RBM33: variants seen among roughly 807,000 people sequenced by gnomAD.
RBM33 encodes the protein RNA binding motif protein 33, also known as RNA-binding protein 33.
In RBM33, 28 loss-of-function variants were observed where a neutral mutation model predicts 132.6. The observed-to-expected ratio is 0.21, with a 90% CI of 0.16 to 0.29. RBM33 has a LOEUF of 0.29. RBM33 is among the 10% of genes least tolerant of loss of function. The probability of loss-of-function intolerance (pLI) is 1.00; values close to 1 mark genes in which losing one functional copy is unlikely to be tolerated. For missense variants in RBM33, 1,291 were observed against 1,518.5 expected, an observed-to-expected ratio of 0.85 and a Z score of 2.49; for synonymous variants, 634 against 593.0, an observed-to-expected ratio of 1.07 and a Z score of -1.01.
chr7:155,658,390 T>A (rs1193369055), intron 1 of RBM33, among the ~76,000 whole-genome samples: 2 of 148,770 alleles, frequency 1.3e-5, no homozygotes, highest in Non-Finnish European at 3.0e-5. Flanking sequence ...TTGGATTTTT[T>A]TTTTTTTTTT....
At position 155,775,142 on chromosome 7, in the gene RBM33, C is replaced by T. The variant is rs772330265; in HGVS notation, c.*101C>T. ...GAACCCCCAGGAGCACAGGTCTCTCCGGGCCGCTGTCCTGCGTAACTGTTC... is the reference window on the plus strand; with the variant it reads ...GAACCCCCAGGAGCACAGGTCTCTCTGGGCCGCTGTCCTGCGTAACTGTTC... On this transcript the variant is annotated 3_prime_UTR_variant, in exon 18 of 18. Coordinates refer to ENST00000401878, the MANE Select transcript of RBM33 (RefSeq NM_053043.3). 100 of 1,036,748 alleles carry T rather than the reference C, an allele frequency of 9.6e-5. No individual in the cohort carries two copies. The highest frequency in any genetic ancestry group is 1.4e-4 in the Non-Finnish European group (91 of 659,028). The allele number at this position is 1,036,748 out of a possible 1,614,324, so 64.2% of individuals were successfully genotyped here.
In RBM33 at chr7:155,737,694, A is replaced by G. The variant is rs764285409; in HGVS notation, c.1393+32A>G. 8.5e-6 allele frequency: 13 copies of G among 1,528,630 alleles called. No individual in the cohort carries two copies. In the East Asian group the frequency reaches 1.1e-4, roughly 13 times the overall value. The allele number at this position is 1,528,630 out of a possible 1,614,324, so 94.7% of individuals were successfully genotyped here. ...AAAGAGTGAGTGGTGTGGAGTAACA[A>G]CAGAAGCTGCATTGGGTGATGTGCC... On this transcript the variant is annotated intron_variant, in intron 10 of 17. Transcript: ENST00000401878.
intron 2 of RBM33, among the ~76,000 whole-genome samples, chr7:155,669,207 GTTC>G (rs1563135284): frequency 6.6e-6 from 1 of 152,184 alleles, no homozygotes; most frequent in Non-Finnish European, 1.5e-5. Context: ...ACTATGGTAA[GTTC>G]TTCTGCCATG....
At chr7:155,648,929 A>G (rs897041334) in intron 1 of RBM33, among the ~76,000 whole-genome samples, 2 of 152,156 alleles carry the variant, frequency 1.3e-5, no homozygotes, top group African/African-American at 2.4e-5. Context: ...TGGTGTATTC[A>G]AGATTCTCTT....
chr7:155,694,457 G>T (rs538272562), intron 5 of RBM33, among the ~76,000 whole-genome samples: 1 of 152,178 alleles, frequency 6.6e-6, no homozygotes, highest in African/African-American at 2.4e-5. Context: ...TTGTGAAATG[G>T]TGATAATGTT....
chr7:155,725,203 GTTTTTTT>G (rs59050644), intron 9 of RBM33, among the ~76,000 whole-genome samples: 27,234 of 105,342 alleles, frequency 0.26, 2,815 homozygotes, highest in East Asian at 0.35. Flanking sequence ...TTTTTTAGTT[GTTTTTTT>G]TTTTTTTTTT....
chr7:155,659,578 A>G (rs1798584610), intron 1 of RBM33, among the ~76,000 whole-genome samples: 1 of 152,164 alleles, frequency 6.6e-6, no homozygotes, highest in African/African-American at 2.4e-5. Flanking sequence ...AAAAATGAAC[A>G]GAGTCTAAAG....
At position 155,706,992 on chromosome 7, in the gene RBM33, A is replaced by G; in HGVS notation, c.872A>G (p.Gln291Arg). The part of the protein sequence containing the change: ...GPLMCRGVGD[Q>R]RRESTERGRM... The stretch of plus-strand genomic sequence containing the variant: ...CTGATGTGTCGTGGTGTGGGGGACC[A>G]GAGGAGAGAGAGCACCGAGAGGGGC... The change falls in exon 7 of 18, where the codon CAG (glutamine) becomes CGG (arginine). Residue 291 changes from glutamine (Q) to arginine (R), a missense_variant. By Grantham distance (43) the Gln-to-Arg change is conservative (BLOSUM62 1). Transcript: ENST00000401878. 1 of 1,590,964 alleles carries G rather than the reference A, an allele frequency of 6.3e-7. No homozygotes were observed. Among genetic ancestry groups the G allele is most frequent in the Middle Eastern group, 1.7e-4 (1 of 6,030 alleles).
rs550555668 is a variant in RBM33, at chr7:155,723,852, T to C, written c.1260+5409T>C. Among the ~76,000 whole-genome samples, 3 of 152,342 alleles carry C rather than the reference T, an allele frequency of 2.0e-5. No individual in the cohort carries two copies. In the South Asian group the frequency reaches 6.2e-4, roughly 32 times the overall value. Reference sequence around the variant, plus strand: ...AACTATAGTTGTCCCTTGTACAACATGTGTATATGCGGGGGCCTGGAAGCA... The same window carrying C: ...AACTATAGTTGTCCCTTGTACAACACGTGTATATGCGGGGGCCTGGAAGCA... On this transcript the variant is annotated intron_variant, in intron 9 of 17. Transcript: ENST00000401878.
At chr7:155,662,572 A>T (rs866631838) in intron 1 of RBM33, among the ~76,000 whole-genome samples, 2 of 151,542 alleles carry the variant, frequency 1.3e-5, no homozygotes, top group Non-Finnish European at 2.9e-5. Flanking sequence ...ACAGTGGTGT[A>T]CCAGTCTCTG....
chr7:155,735,240 CAA>C (rs1219156101), intron 9 of RBM33, among the ~76,000 whole-genome samples: 2 of 152,092 alleles, frequency 1.3e-5, no homozygotes, highest in Non-Finnish European at 2.9e-5. Flanking sequence ...TGACTTCAAA[CAA>C]GAGATGAAAA....
rs1345611526 is a variant in RBM33 at position 155,644,905 on chromosome 7, G to C, written c.29G>C (p.Gly10Ala). 6.7e-7 allele frequency: 1 copy of C among 1,500,796 alleles called. No homozygotes were observed. Among genetic ancestry groups the C allele is most frequent in the Non-Finnish European group, 8.8e-7 (1 of 1,131,198 alleles). The allele number at this position is 1,500,796 out of a possible 1,614,324, so 93.0% of individuals were successfully genotyped here. ...GCGGCCGCCCTGGGAGCGAGCGGAG[G>C]AGCAGGCGCCGGAGGTACGTGAGGC... Reference protein sequence around the residue: MAAALGASGGAGAGDDDFDQ... With the variant: MAAALGASGAAGAGDDDFDQ... The change falls in exon 1 of 18, where the codon GGA (glycine) becomes GCA (alanine). Residue 10 changes from glycine (G) to alanine (A), a missense_variant. This residue lies in a region of RBM33 where 194 missense variants were observed against 249.8 expected (regional missense o/e 0.78). Transcript: ENST00000401878.
chr7:155,671,451 C>T (rs748110429), intron 2 of RBM33, among the ~76,000 whole-genome samples: 8 of 151,994 alleles, frequency 5.3e-5, no homozygotes, highest in Admixed American at 2.6e-4. Context: ...CTTAAAATAA[C>T]GAATAAAGTC....
At chr7:155,737,408 G>A in intron 9 of RBM33, 122 bp from the exon 10 acceptor site, 2 of 913,124 alleles carry the variant, frequency 2.2e-6, no homozygotes, top group Non-Finnish European at 3.2e-6. Flanking sequence ...GACAGTGACT[G>A]TTAGGAGACA....
intron 3 of RBM33, among the ~76,000 whole-genome samples, chr7:155,677,113 G>T (rs1318646353): frequency 6.6e-6 from 1 of 152,084 alleles, no homozygotes; most frequent in Non-Finnish European, 1.5e-5. Context: ...GGTAGGCCTG[G>T]CTCATAGCTC....
chr7:155,710,977 A>G (rs1207241072), intron 7 of RBM33, among the ~76,000 whole-genome samples: 1 of 150,328 alleles, frequency 6.7e-6, no homozygotes, highest in South Asian at 2.1e-4. Context: ...GTGGGGATTG[A>G]CTCAATTGTG....
At position 155,774,750 on chromosome 7, in the gene RBM33, G is replaced by C. The variant is rs1369181810; in HGVS notation, c.3464+103G>C. The C allele has an allele frequency of 2.0e-6, 2 of 1,002,856 alleles. No individual in the cohort carries two copies. Among genetic ancestry groups the C allele is most frequent in the Non-Finnish European group, 3.2e-6 (2 of 631,034 alleles). The allele number at this position is 1,002,856 out of a possible 1,614,324, so 62.1% of individuals were successfully genotyped here. ...TGGTAGCAAGCGTGTGTCCCCACCT[G>C]TTCCTGTAGAAGGACACTAGGGCAC... On this transcript the variant is annotated intron_variant, in intron 17 of 17. Coordinates refer to ENST00000401878, the MANE Select transcript of RBM33 (RefSeq NM_053043.3). This position sits in a 1 kb window ranked among gnomAD's most constrained non-coding sequence, Gnocchi z 4.2.
At chr7:155,726,857 A>G (rs988674846) in intron 9 of RBM33, among the ~76,000 whole-genome samples, 1 of 152,242 alleles carries the variant, frequency 6.6e-6, no homozygotes, top group African/African-American at 2.4e-5. Context: ...GAGTGTGAGA[A>G]TGTGGGTTCT....
chr7:155,748,432 T>C (rs1038707846), intron 14 of RBM33, among the ~76,000 whole-genome samples: 4 of 152,238 alleles, frequency 2.6e-5, no homozygotes, highest in African/African-American at 2.4e-5. Flanking sequence ...AGTTGAAATA[T>C]GTGTCCACAG....
Sources: allele counts gnomAD v4.1 joint callset (sites outside exome capture counted in the v4.1 genomes callset), GRCh38; gene constraint gnomAD v4.1.1; regional missense constraint gnomAD v4.1.1; non-coding constraint Gnocchi (gnomAD v3.1); transcripts MANE v1.5; gene names NCBI Gene and HGNC (gene_info 2026-07-23, HGNC 2026-07-21).